Variants in H2BC5 observed in about 807,000 individuals in gnomAD.
H2BC5 encodes the protein histone H2B type 1-D.
Under a neutral mutation model 5.7 loss-of-function variants are expected in H2BC5, and 9 were observed. The observed-to-expected ratio is 1.57, with a 90% CI of 0.95 to 2.74. The LOEUF is 2.74. H2BC5 is among the 30% of genes most tolerant of loss of function. The pLI is 0.00. For synonymous variants in H2BC5, 133 were observed against 70.9 expected, an observed-to-expected ratio of 1.88 and a Z score of -4.40; for missense variants, 175 against 168.8, an observed-to-expected ratio of 1.04 and a Z score of -0.20.
At chr6:26,162,354 A>C (rs188570789), downstream of H2BC5, among the ~76,000 whole-genome samples, 378 of 152,338 alleles carry the variant, frequency 2.5e-3, 2 homozygotes, top group Middle Eastern at 3.4e-3. Flanking sequence ...TGTTTGCTTT[A>C]ATCATCTTAC....
intron 1 of H2BC5, among the ~76,000 whole-genome samples, chr6:26,167,299 C>T (rs915016598): frequency 6.6e-6 from 1 of 152,244 alleles, no homozygotes; most frequent in East Asian, 1.9e-4. Flanking sequence ...AAGGTTTGTC[C>T]ATGCCAACAC....
chr6:26,163,428 T>G (rs972651381), downstream of H2BC5: 2 of 152,122 alleles, frequency 1.3e-5, no homozygotes, highest in African/African-American at 4.8e-5. Context: ...TTTCTGTGAG[T>G]CGGGAATCCA....
intron 1 of H2BC5, among the ~76,000 whole-genome samples, chr6:26,170,473 T>C (rs1764500895): frequency 1.3e-5 from 2 of 152,192 alleles, no homozygotes; most frequent in Non-Finnish European, 2.9e-5. Context: ...GTGGTTCAAC[T>C]GAATGAGTGA....
chr6:26,159,282 CAGGTT>C (rs1408026258), downstream of H2BC5, among the ~76,000 whole-genome samples: 12 of 72,008 alleles, frequency 1.7e-4, no homozygotes, highest in African/African-American at 6.5e-4. Context: ...TGGCAGCTTT[CAGGTT>C]AAAAGTCCTC....
In H2BC5 at chr6:26,167,607, C is replaced by T. The variant is rs527591744; in HGVS notation, c.*10-3368C>T. 3.4e-4 allele frequency among the ~76,000 whole-genome samples: 52 copies of T among 152,170 alleles called. 2 individuals carry two copies. The South Asian group carries it at 4.4e-3, about 13-fold the overall frequency. On this transcript the variant is annotated intron_variant, in intron 1 of 1. Coordinates refer to the H2BC5 transcript ENST00000289316. ...GGAGAAGAGCCAAGGAAGATGACTA[C>T]GGAGGGTGAGGGTTGTTTTTTTCAA...
At chr6:26,158,791 G>A (rs1764290208), downstream of H2BC5, 1 of 644,114 alleles carries the variant, frequency 1.6e-6, no homozygotes, top group Admixed American at 3.2e-5. Flanking sequence ...AGCTCATTTA[G>A]TATCACATAA....
chr6:26,164,575 G>A (rs1209256456), intron 1 of H2BC5, among the ~76,000 whole-genome samples: 1 of 149,742 alleles, frequency 6.7e-6, no homozygotes, highest in Non-Finnish European at 1.5e-5. Context: ...CTTCTTCTGA[G>A]AGGGGAGAGC....
downstream of H2BC5, among the ~76,000 whole-genome samples, chr6:26,159,365 C>T (rs1764314480): frequency 6.9e-6 from 1 of 145,272 alleles, no homozygotes; most frequent in South Asian, 2.2e-4. Flanking sequence ...ATAGTTATCG[C>T]AGGACTGAAG....
At chr6:26,165,248 A>C (rs1764404950) in intron 1 of H2BC5, among the ~76,000 whole-genome samples, 1 of 152,132 alleles carries the variant, frequency 6.6e-6, no homozygotes, top group African/African-American at 2.4e-5. Context: ...TGGAGAGCCA[A>C]CCCAAAGAGC....
chr6:26,165,695 G>C (rs1034341178), intron 1 of H2BC5, among the ~76,000 whole-genome samples: 18 of 152,148 alleles, frequency 1.2e-4, no homozygotes, highest in African/African-American at 3.4e-4. Context: ...ACGTCAAGGA[G>C]GCTCTGTCTC....
At position 26,158,179 on chromosome 6, in the gene H2BC5, C is replaced by T. The variant is rs757195477; in HGVS notation, c.10C>T (p.Pro4Ser). The T allele has an allele frequency of 9.9e-6, 16 of 1,613,800 alleles. No individual in the cohort carries two copies. The highest frequency in any genetic ancestry group is 1.7e-5 in the Admixed American group (1 of 59,908). The change falls in exon 1 of 1, where the codon CCT becomes TCT. Residue 4 changes from proline to serine, a missense_variant. This residue lies in a region of H2BC5 where 119 missense variants were observed against 85.6 expected (regional missense o/e 1.39). Coordinates refer to ENST00000377777, the MANE Select transcript of H2BC5 (RefSeq NM_021063.4). Reference protein sequence around the residue: MPEPTKSAPAPKKG... With the variant: MPESTKSAPAPKKG... ...AACTATTAACGCTACGATGCCTGAA[C>T]CTACCAAGTCTGCTCCTGCCCCAAA...
At chr6:26,169,743 G>A (rs1475131881) in intron 1 of H2BC5, among the ~76,000 whole-genome samples, 1 of 151,956 alleles carries the variant, frequency 6.6e-6, no homozygotes, top group Non-Finnish European at 1.5e-5. Flanking sequence ...GGCAGATCAT[G>A]AGGTCAGGAG....
downstream of H2BC5, among the ~76,000 whole-genome samples, chr6:26,159,108 T>G (rs549858938): frequency 1.5e-3 from 226 of 152,292 alleles, 2 homozygotes; most frequent in African/African-American, 5.1e-3. Context: ...CCAGTTTCTG[T>G]CTGAAGCTCT....
At chr6:26,171,069 ATGAC>A (rs1186236530) in exon 2 of H2BC5, 1 of 152,232 alleles carries the variant, frequency 6.6e-6, no homozygotes, top group Non-Finnish European at 1.5e-5. Flanking sequence ...CTGCCTGAAA[ATGAC>A]TGTGTGGATC....
intron 1 of H2BC5, among the ~76,000 whole-genome samples, chr6:26,167,002 C>T (rs1764442133): frequency 7.5e-6 from 1 of 133,392 alleles, no homozygotes; most frequent in South Asian, 2.5e-4. Context: ...TGCCCGGCCT[C>T]TTTTTTTCTT....
intron 1 of H2BC5, among the ~76,000 whole-genome samples, chr6:26,168,520 A>C (rs952003705): frequency 6.6e-6 from 1 of 152,090 alleles, no homozygotes; most frequent in African/African-American, 2.4e-5. Context: ...AAAAATGTAA[A>C]AAATTTATGA....
chr6:26,158,190 T>C lies in H2BC5; in HGVS notation c.21T>C (p.Ser7=). 5 of 1,614,146 alleles carry C rather than the reference T, an allele frequency of 3.1e-6. No individual in the cohort carries two copies. Among genetic ancestry groups the C allele is most frequent in the South Asian group, 1.1e-5 (1 of 91,086 alleles). MPEPTK[S]APAPKKGSKK... ...CTACGATGCCTGAACCTACCAAGTCTGCTCCTGCCCCAAAGAAGGGCTCCA... is the reference window on the plus strand; with the variant it reads ...CTACGATGCCTGAACCTACCAAGTCCGCTCCTGCCCCAAAGAAGGGCTCCA... Residue 7 remains serine (S), a synonymous_variant, in exon 1 of 1, where the codon TCT becomes TCC. Transcript: ENST00000377777.
At chr6:26,164,773 C>T in intron 1 of H2BC5, among the ~76,000 whole-genome samples, 1 of 152,012 alleles carries the variant, frequency 6.6e-6, no homozygotes, top group East Asian at 1.9e-4. Context: ...TTGCCCAGCA[C>T]CATCCCATGG....
chr6:26,165,530 C>T (rs1764408854), intron 1 of H2BC5, among the ~76,000 whole-genome samples: 2 of 152,090 alleles, frequency 1.3e-5, no homozygotes, highest in Admixed American at 6.6e-5. Context: ...ACCCCAAGGC[C>T]AAGTTTGTTT....
Sources: gnomAD v4.1 joint callset for allele counts (sites outside exome capture counted in the v4.1 genomes callset) on GRCh38, gnomAD v4.1.1 for gene constraint, gnomAD v4.1.1 regional missense constraint, MANE v1.5 for transcripts, NCBI Gene and HGNC (gene_info 2026-07-23, HGNC 2026-07-21) for gene names.